RPS3: variants seen among roughly 807,000 people sequenced by gnomAD.
RPS3 encodes small ribosomal subunit protein uS3.
Under a neutral mutation model 25.8 loss-of-function variants are expected in RPS3, and 2 were observed. That is an observed-to-expected ratio of 0.08 (90% confidence interval 0.03 to 0.24). RPS3 has a LOEUF of 0.24. Ranked by LOEUF, RPS3 falls within the 10% of genes least tolerant of loss-of-function variation. The pLI is 1.00. For missense variants in RPS3, 107 were observed against 307.1 expected, an observed-to-expected ratio of 0.35 and a Z score of 4.87; for synonymous variants, 114 against 114.2, an observed-to-expected ratio of 1.00 and a Z score of 0.01.
At chr11:75,407,973 G>C (rs1948305200), downstream of RPS3, among the ~76,000 whole-genome samples, 1 of 152,150 alleles carries the variant, frequency 6.6e-6, no homozygotes, top group Non-Finnish European at 1.5e-5. Flanking sequence ...GAGAAAGAAA[G>C]AAACTTAATG....
At chr11:75,402,537 A>G in intron 4 of RPS3, 91 bp downstream of exon 4, 1 of 1,355,630 alleles carries the variant, frequency 7.4e-7, no homozygotes, top group African/African-American at 1.4e-5. Flanking sequence ...AACTGTTACA[A>G]AGTTACAGGA....
downstream of RPS3, among the ~76,000 whole-genome samples, chr11:75,410,273 G>C (rs1345633017): frequency 6.6e-6 from 1 of 151,370 alleles, no homozygotes. Flanking sequence ...CTTCTCAGAC[G>C]GGGCGGTTGC....
intron 6 of RPS3, among the ~76,000 whole-genome samples, chr11:75,420,552 T>G (rs1948434358): frequency 6.6e-6 from 1 of 152,120 alleles, no homozygotes; most frequent in Admixed American, 6.5e-5. Context: ...GCCCAATGAC[T>G]TTAGTCACTT....
At chr11:75,401,512 A>T (rs951555429) in intron 2 of RPS3, 128 bp from the exon 3 acceptor site, 7 of 687,362 alleles carry the variant, frequency 1.0e-5, no homozygotes, top group Non-Finnish European at 1.8e-5. Context: ...TGCGTTTTAA[A>T]AATTTTAGTT....
At chr11:75,412,326 T>C (rs1948364450) in intron 6 of RPS3, among the ~76,000 whole-genome samples, 1 of 152,212 alleles carries the variant, frequency 6.6e-6, no homozygotes, top group African/African-American at 2.4e-5. Flanking sequence ...TGGCACTGGC[T>C]TGGCTCTTGT....
At chr11:75,421,553 A>T (rs866714360) in intron 6 of RPS3, among the ~76,000 whole-genome samples, 4 of 152,180 alleles carry the variant, frequency 2.6e-5, no homozygotes, top group Non-Finnish European at 5.9e-5. Flanking sequence ...TAATGACATC[A>T]GGGGCTTGTG....
chr11:75,403,673 C>A, intron 4 of RPS3: 1 of 176,670 alleles, frequency 5.7e-6, no homozygotes, highest in Non-Finnish European at 1.2e-5. Flanking sequence ...ATGAGAATCA[C>A]CCAGGGAGCA....
chr11:75,403,248 G>C (rs1171058439), intron 4 of RPS3: 1 of 152,220 alleles, frequency 6.6e-6, no homozygotes, highest in Admixed American at 6.5e-5. Context: ...GCCAGCCCCA[G>C]ACCCACCAAA....
At chr11:75,400,414 G>C (rs1338447237) in intron 1 of RPS3, 2 of 554,798 alleles carry the variant, frequency 3.6e-6, no homozygotes, top group Non-Finnish European at 7.1e-6. Context: ...ATGATGACGA[G>C]TCTGACTTGG....
At chr11:75,407,390 G>T (rs759658689), downstream of RPS3, among the ~76,000 whole-genome samples, 1 of 152,162 alleles carries the variant, frequency 6.6e-6, no homozygotes, top group African/African-American at 2.4e-5. Context: ...CCCCCACCTC[G>T]GCCTTCCAGA....
downstream of RPS3, among the ~76,000 whole-genome samples, chr11:75,408,614 G>A (rs1948310876): frequency 6.6e-6 from 1 of 152,088 alleles, no homozygotes; most frequent in African/African-American, 2.4e-5. Context: ...GTCTTGCTCT[G>A]TCGCCCAGGC....
chr11:75,404,620 A>G lies in RPS3; in HGVS notation c.539-52A>G. 1 of 1,549,946 alleles carries G rather than the reference A, an allele frequency of 6.5e-7. No individual in the cohort carries two copies. Among genetic ancestry groups the G allele is most frequent in the Non-Finnish European group, 8.9e-7 (1 of 1,125,008 alleles). ...TGCTTGCTCTCTTTGGTCTTGTGTG[A>G]TGGGGGCCTTTGAGACCCCAGCTGT... On this transcript the variant is annotated intron_variant, in intron 5 of 6. Coordinates refer to ENST00000531188, the MANE Select transcript of RPS3 (RefSeq NM_001005.5). This position sits in a 1 kb window ranked among gnomAD's most constrained non-coding sequence, Gnocchi z 4.6.
At chr11:75,408,889 T>C (rs1948315015), downstream of RPS3, among the ~76,000 whole-genome samples, 1 of 152,124 alleles carries the variant, frequency 6.6e-6, no homozygotes, top group Admixed American at 6.5e-5. Flanking sequence ...AGAGCTCAGG[T>C]GAGCACTTGG....
intron 1 of RPS3, 77 bp downstream of exon 1, chr11:75,399,654 C>T: frequency 7.7e-7 from 1 of 1,302,826 alleles, no homozygotes. Context: ...CACCGCGAGG[C>T]CTGCAGCTCC....
Position 75,404,971 on chromosome 11 carries a change from A to T in RPS3, c.*3+103A>T. ...ATTCTGGTAAGCGTTTGGTGAATAA[A>T]AATTTCATTTATTTGCTTTATGTGG... On this transcript the variant is annotated intron_variant, in intron 6 of 6. Coordinates refer to ENST00000531188, the MANE Select transcript of RPS3 (RefSeq NM_001005.5). The surrounding 1 kb of genome is among the most constrained non-coding windows in gnomAD (Gnocchi z 4.6). 3 of 788,570 alleles carry T rather than the reference A, an allele frequency of 3.8e-6. No individual in the cohort carries two copies. Among genetic ancestry groups the T allele is most frequent in the Non-Finnish European group, 5.8e-6 (3 of 517,626 alleles). 48.8% of individuals were successfully genotyped at this position (788,570 alleles called of 1,614,324 possible).
chr11:75,404,441 C>A lies in RPS3; in HGVS notation c.539-231C>A. On this transcript the variant is annotated intron_variant, in intron 5 of 6. Transcript: ENST00000531188. This position sits in a 1 kb window ranked among gnomAD's most constrained non-coding sequence, Gnocchi z 4.6. ...GTACCCTTCAGTGATGACACGATGACGAGTCAGAAAGGTCACGTCCTGCTC... is the reference window on the plus strand; with the variant it reads ...GTACCCTTCAGTGATGACACGATGAAGAGTCAGAAAGGTCACGTCCTGCTC... 1.3e-6 allele frequency: 1 copy of A among 786,542 alleles called. No homozygotes were observed. The highest frequency in any genetic ancestry group is 2.3e-6 in the Non-Finnish European group (1 of 432,178). 48.7% of individuals were successfully genotyped at this position (786,542 alleles called of 1,614,324 possible).
chr11:75,402,421 C>T lies in RPS3; in HGVS notation c.325C>T (p.Leu109Phe). ...CCAGGCAGAGTCTCTGCGTTACAAA[C>T]TCCTAGGAGGGCTTGCTGTGCGGAG... ...IAQAESLRYKLLGGLAVRRAC... is the reference protein window; with the variant it reads ...IAQAESLRYKFLGGLAVRRAC... Residue 109 changes from leucine (L) to phenylalanine (F), a missense_variant, in exon 4 of 7, where the codon CTC becomes TTC. By Grantham distance (22) the Leu-to-Phe change is conservative. This residue lies in a region of RPS3 where 81 missense variants were observed against 286.8 expected (regional missense o/e 0.28). Transcript: ENST00000531188. The T allele has an allele frequency of 1.2e-6, 2 of 1,612,272 alleles. No individual in the cohort carries two copies. The highest frequency in any genetic ancestry group is 1.7e-6 in the Non-Finnish European group (2 of 1,178,606).
downstream of RPS3, chr11:75,407,029 G>A (rs944630940): frequency 6.6e-6 from 1 of 152,180 alleles, no homozygotes; most frequent in Non-Finnish European, 1.5e-5. Context: ...GGTACTGCAG[G>A]AAGACTGCTC....
exon 7 of RPS3, chr11:75,422,047 CG>C (rs1264542478): frequency 6.6e-6 from 1 of 152,316 alleles, no homozygotes; most frequent in Non-Finnish European, 1.5e-5. Flanking sequence ...CCAAAGCGAT[CG>C]TAGTAAGAGG....
Sources: gnomAD v4.1 joint callset for allele counts (sites outside exome capture counted in the v4.1 genomes callset) on GRCh38, gnomAD v4.1.1 for gene constraint, gnomAD v4.1.1 regional missense constraint, Gnocchi (gnomAD v3.1) non-coding constraint, MANE v1.5 for transcripts, NCBI Gene and HGNC (gene_info 2026-07-23, HGNC 2026-07-21) for gene names.